The following RANBP17 variants were observed in gnomAD, a reference collection of about 807,000 sequenced individuals.
RANBP17 encodes ran-binding protein 17.
In RANBP17, 158 loss-of-function variants were observed where a neutral mutation model predicts 141.2. That is an observed-to-expected ratio of 1.12 (90% CI 0.98 to 1.28). The LOEUF is 1.28. Ranked by LOEUF, RANBP17 falls within the 50% of genes most tolerant of loss-of-function variation. RANBP17 has a pLI of 0.00. For synonymous variants in RANBP17, 430 were observed against 450.0 expected, an observed-to-expected ratio of 0.96 and a Z score of 0.56; for missense variants, 1,438 against 1,290.7, an observed-to-expected ratio of 1.11 and a Z score of -1.75.
chr5:171,171,358 C>G (rs1213078116), intron 16 of RANBP17, 72 bp downstream of exon 16: 8 of 835,160 alleles, frequency 9.6e-6, no homozygotes, highest in Non-Finnish European at 1.3e-5. Flanking sequence ...ACCAGGTATT[C>G]TCCTTGTTTA....
chr5:171,297,866 T>C, intron 27 of RANBP17, among the ~76,000 whole-genome samples: 1 of 136,552 alleles, frequency 7.3e-6, no homozygotes, highest in Non-Finnish European at 1.6e-5. Context: ...TTTTTTTTTT[T>C]TTTTTTTGAG....
intron 14 of RANBP17, among the ~76,000 whole-genome samples, chr5:171,088,028 G>T (rs1419144376): frequency 6.6e-6 from 1 of 151,360 alleles, no homozygotes; most frequent in East Asian, 1.9e-4. Flanking sequence ...TGGTGATTTT[G>T]CTCGTTAGTT....
chr5:170,920,524 T>A (rs1344556757), intron 11 of RANBP17, among the ~76,000 whole-genome samples: 5 of 142,426 alleles, frequency 3.5e-5, no homozygotes, highest in South Asian at 2.4e-4. Context: ...TTTTTTTTTT[T>A]ATATTGAGAT....
intron 14 of RANBP17, among the ~76,000 whole-genome samples, chr5:171,153,444 C>T (rs749868932): frequency 6.6e-6 from 1 of 152,166 alleles, no homozygotes; most frequent in Admixed American, 6.6e-5. Flanking sequence ...GTGGGACACA[C>T]TATTGCCTAG....
chr5:170,872,803 T>A (rs1466161293), intron 1 of RANBP17, among the ~76,000 whole-genome samples: 2 of 152,284 alleles, frequency 1.3e-5, no homozygotes, highest in Non-Finnish European at 2.9e-5. Flanking sequence ...GTGATTTTTG[T>A]CATTGGCTCT....
chr5:171,165,476 C>T (rs1447851201), intron 14 of RANBP17, among the ~76,000 whole-genome samples: 1 of 152,056 alleles, frequency 6.6e-6, no homozygotes, highest in Admixed American at 6.6e-5. Flanking sequence ...CCGCGCCCAG[C>T]CTAAAGTAGG....
At chr5:170,935,176 A>G (rs538480629) in intron 12 of RANBP17, among the ~76,000 whole-genome samples, 2 of 152,282 alleles carry the variant, frequency 1.3e-5, no homozygotes, top group African/African-American at 2.4e-5. Context: ...GGACTTCTCT[A>G]CACTGTTTAT....
chr5:171,018,273 T>A (rs1780595938), intron 14 of RANBP17, among the ~76,000 whole-genome samples: 3 of 152,084 alleles, frequency 2.0e-5, no homozygotes, highest in Admixed American at 2.0e-4. Flanking sequence ...TTAAAGTAGT[T>A]TTTTTTCTAA....
At chr5:170,963,192 G>GTA (rs1360292276) in intron 13 of RANBP17, among the ~76,000 whole-genome samples, 3 of 152,168 alleles carry the variant, frequency 2.0e-5, no homozygotes, top group Admixed American at 2.0e-4. Context: ...GTGAATCCTA[G>GTA]TATATATGAT....
At chr5:171,074,164 C>T (rs1784782703) in intron 14 of RANBP17, among the ~76,000 whole-genome samples, 1 of 152,114 alleles carries the variant, frequency 6.6e-6, no homozygotes, top group Admixed American at 6.5e-5. Flanking sequence ...GTTAAAATCA[C>T]CAGTGATAAC....
At chr5:171,266,347 A>G (rs1244251901) in intron 25 of RANBP17, among the ~76,000 whole-genome samples, 1 of 152,216 alleles carries the variant, frequency 6.6e-6, no homozygotes, top group Non-Finnish European at 1.5e-5. Flanking sequence ...TAGGTTAGGT[A>G]ATATGTTCAA....
chr5:171,063,955 A>G (rs1381878154), intron 14 of RANBP17, among the ~76,000 whole-genome samples: 1 of 152,150 alleles, frequency 6.6e-6, no homozygotes, highest in Non-Finnish European at 1.5e-5. Context: ...TGGGCGTAGG[A>G]CCCTCCAAGC....
intron 14 of RANBP17, among the ~76,000 whole-genome samples, chr5:171,025,576 T>C (rs1561999880): frequency 7.0e-6 from 1 of 143,632 alleles, no homozygotes. Context: ...CTTTTTTTTT[T>C]CTTTTTTTCT....
At chr5:170,892,211 A>G (rs888996949) in intron 3 of RANBP17, among the ~76,000 whole-genome samples, 176 bp from the exon 4 acceptor site, 1 of 148,458 alleles carries the variant, frequency 6.7e-6, no homozygotes, top group African/African-American at 2.5e-5. Context: ...TACATGTGCC[A>G]TGGTGTTTTG....
At chr5:170,998,083 C>T (rs1778945303) in intron 14 of RANBP17, among the ~76,000 whole-genome samples, 1 of 148,574 alleles carries the variant, frequency 6.7e-6, no homozygotes, top group Non-Finnish European at 1.5e-5. Context: ...AACCCCATCT[C>T]TACTGGAGAA....
intron 14 of RANBP17, among the ~76,000 whole-genome samples, chr5:171,130,513 T>C (rs1258754088): frequency 2.2e-5 from 3 of 134,594 alleles, no homozygotes; most frequent in Non-Finnish European, 4.6e-5. Context: ...CTCGGCTCAC[T>C]ACAACCTCCT....
chr5:171,167,871 C>T (rs1210323641), intron 14 of RANBP17, among the ~76,000 whole-genome samples: 3 of 152,140 alleles, frequency 2.0e-5, no homozygotes, highest in Non-Finnish European at 2.9e-5. Context: ...AAGCTGTTCT[C>T]TCTAGCTACT....
intron 14 of RANBP17, among the ~76,000 whole-genome samples, chr5:171,057,849 G>A (rs1287536500): frequency 6.6e-6 from 1 of 151,994 alleles, no homozygotes. Flanking sequence ...GAACAGCATG[G>A]GGGAAACTGC....
chr5:171,101,899 T>C (rs182762495), intron 14 of RANBP17, among the ~76,000 whole-genome samples: 3 of 152,346 alleles, frequency 2.0e-5, no homozygotes, highest in African/African-American at 7.2e-5. Flanking sequence ...AATTCTTTTC[T>C]TGAAGAATGT....
Sources: allele counts gnomAD v4.1 joint callset (sites outside exome capture counted in the v4.1 genomes callset), GRCh38; gene constraint gnomAD v4.1.1; transcripts MANE v1.5; gene names NCBI Gene and HGNC (gene_info 2026-07-23, HGNC 2026-07-21).